TAMM41: variants seen among roughly 807,000 people sequenced by gnomAD.
The protein encoded by TAMM41 is phosphatidate cytidylyltransferase, mitochondrial.
TAMM41 carries 36 observed loss-of-function variants against 44.1 expected under a neutral mutation model. The ratio of observed to expected loss-of-function variants is 0.82; its 90% CI spans 0.63 to 1.08. The LOEUF (loss-of-function observed/expected upper bound fraction) is 1.08, where lower values mean the gene tolerates loss of function less well. TAMM41 is among the 50% of genes least tolerant of loss of function. The pLI is 0.00. For missense variants in TAMM41, 417 were observed against 404.3 expected (o/e 1.03, Z -0.27); for synonymous variants, 164 against 153.1 (o/e 1.07, Z -0.53).
At chr3:11,752,897 G>A in the TAMM41 span, among the ~76,000 whole-genome samples, 1,512 of 151,536 alleles carry the variant, frequency 1.0e-2, 31 homozygotes, top group African/African-American at 0.035. Context: ...TCTAGCGATC[G>A]TCCTGCCTTA....
chr3:11,740,537 T>C, the TAMM41 span, among the ~76,000 whole-genome samples: 1 of 152,222 alleles, frequency 6.6e-6, no homozygotes, highest in Non-Finnish European at 1.5e-5. Flanking sequence ...GTGTGTGTCC[T>C]AGTCCTTTTG....
the TAMM41 span, among the ~76,000 whole-genome samples, chr3:11,752,739 A>G: frequency 6.9e-6 from 1 of 145,348 alleles, no homozygotes; most frequent in Non-Finnish European, 1.5e-5. Context: ...TGCTGGGCTC[A>G]AGCGATCCTC....
At chr3:11,770,440 C>T in the TAMM41 span, among the ~76,000 whole-genome samples, 561 of 152,348 alleles carry the variant, frequency 3.7e-3, 4 homozygotes, top group African/African-American at 0.013. Flanking sequence ...CGATCACTGG[C>T]TCTCAACTGG....
At chr3:11,793,620 C>T (rs1411834026) in intron 7 of TAMM41, among the ~76,000 whole-genome samples, 10 of 152,158 alleles carry the variant, frequency 6.6e-5, no homozygotes, top group African/African-American at 1.7e-4. Context: ...GGATACATTG[C>T]GGTATATTCA....
chr3:11,837,098 C>T (rs910946329), intron 3 of TAMM41, among the ~76,000 whole-genome samples: 1 of 152,156 alleles, frequency 6.6e-6, no homozygotes, highest in African/African-American at 2.4e-5. Flanking sequence ...AAATTGTAAG[C>T]CCAGGTGCAA....
At chr3:11,777,487 G>A in the TAMM41 span, among the ~76,000 whole-genome samples, 1 of 152,130 alleles carries the variant, frequency 6.6e-6, no homozygotes, top group South Asian at 2.1e-4. Flanking sequence ...ATAGAATTCA[G>A]CCATTTAAAG....
the TAMM41 span, among the ~76,000 whole-genome samples, chr3:11,733,657 TCA>T: frequency 6.6e-6 from 1 of 152,078 alleles, no homozygotes; most frequent in Admixed American, 6.6e-5. Context: ...CACACCGGGC[TCA>T]TTTTTTTTCG....
the TAMM41 span, among the ~76,000 whole-genome samples, chr3:11,750,195 C>T: frequency 2.9e-4 from 44 of 152,104 alleles, no homozygotes; most frequent in Middle Eastern, 3.4e-3. Context: ...TGTGCCCAGT[C>T]GGGAGTGTCT....
At chr3:11,834,214 G>A (rs1177088793) in intron 3 of TAMM41, among the ~76,000 whole-genome samples, 1 of 152,108 alleles carries the variant, frequency 6.6e-6, no homozygotes, top group East Asian at 1.9e-4. Flanking sequence ...TTCAGCCTGG[G>A]TGACAAAGCA....
In TAMM41 at chr3:11,817,289, A is replaced by G; in HGVS notation, c.611T>C (p.Ile204Thr). The G allele has an allele frequency of 6.2e-7, 1 of 1,613,114 alleles. No individual in the cohort carries two copies. The highest frequency in any genetic ancestry group is 8.5e-7 in the Non-Finnish European group (1 of 1,179,148). ...AAAGTGGGCTATATTGGGCTTCACA[A>G]TATTCAACACTTTTGTTTTATCTTC... ...VGEDKTKVLNIVKPNIAHFRE... is the reference protein window; with the variant it reads ...VGEDKTKVLNTVKPNIAHFRE... Residue 204 changes from isoleucine to threonine, a missense_variant, in exon 5 of 8, where the codon ATT (isoleucine) becomes ACT (threonine). Ile to Thr is a moderately conservative substitution (Grantham distance 89). Transcript: ENST00000455809.
At chr3:11,832,191 C>G (rs2125038931) in intron 3 of TAMM41, among the ~76,000 whole-genome samples, 1 of 151,852 alleles carries the variant, frequency 6.6e-6, no homozygotes, top group South Asian at 2.1e-4. Flanking sequence ...CCTTGAATAA[C>G]TTTCCTAAAC....
the TAMM41 span, among the ~76,000 whole-genome samples, chr3:11,741,982 C>G: frequency 1.3e-5 from 2 of 150,170 alleles, no homozygotes; most frequent in East Asian, 3.9e-4. Context: ...AAAATTCCAT[C>G]ATGCTGCTCA....
intron 4 of TAMM41, among the ~76,000 whole-genome samples, chr3:11,822,750 C>A (rs1160959149): frequency 6.6e-6 from 1 of 152,200 alleles, no homozygotes; most frequent in Non-Finnish European, 1.5e-5. Context: ...AATAGTCCAT[C>A]GTACAGATGC....
chr3:11,785,822 T>C (rs1376310380), downstream of TAMM41, among the ~76,000 whole-genome samples: 5 of 151,946 alleles, frequency 3.3e-5, no homozygotes, highest in African/African-American at 1.2e-4. Flanking sequence ...TCTCACTATG[T>C]TGTCCAGGCG....
chr3:11,807,137 T>C, intron 7 of TAMM41: 1 of 980,828 alleles, frequency 1.0e-6, no homozygotes, highest in Non-Finnish European at 1.2e-6. Context: ...TGAGATACAG[T>C]AAATGGGGGA....
intron 7 of TAMM41, among the ~76,000 whole-genome samples, chr3:11,801,243 T>C (rs542062966): frequency 7.2e-5 from 11 of 152,172 alleles, no homozygotes; most frequent in African/African-American, 2.6e-4. Flanking sequence ...GAAATCAACA[T>C]AAGAGGAACT....
chr3:11,841,292 A>G (rs1367622198), intron 2 of TAMM41, among the ~76,000 whole-genome samples: 1 of 152,106 alleles, frequency 6.6e-6, no homozygotes, highest in Non-Finnish European at 1.5e-5. Flanking sequence ...CATGTTGCCC[A>G]GGCTGGTCTT....
At chr3:11,819,129 T>A (rs548575138) in intron 4 of TAMM41, among the ~76,000 whole-genome samples, 2 of 152,312 alleles carry the variant, frequency 1.3e-5, no homozygotes, top group East Asian at 3.9e-4. Flanking sequence ...CACATATTGC[T>A]GTTGACTGCA....
chr3:11,723,398 C>A, the TAMM41 span, among the ~76,000 whole-genome samples: 1,199 of 151,776 alleles, frequency 7.9e-3, 17 homozygotes, highest in African/African-American at 0.027. Flanking sequence ...TGGGCAACAC[C>A]GCGAAACCCC....
Sources: gnomAD v4.1 joint callset for allele counts (sites outside exome capture counted in the v4.1 genomes callset) on GRCh38, gnomAD v4.1.1 for gene constraint, MANE v1.5 for transcripts, NCBI Gene and HGNC (gene_info 2026-07-23, HGNC 2026-07-21) for gene names.